The following PRDM2 variants were observed in gnomAD, a reference collection of about 807,000 sequenced individuals.
PRDM2 encodes PR/SET domain 2.
A neutral mutation model predicts 130.0 loss-of-function variants in PRDM2; 30 were observed. That is an observed-to-expected ratio of 0.23 (90% CI 0.17 to 0.31). The LOEUF (loss-of-function observed/expected upper bound fraction) is 0.31, where lower values mean the gene tolerates loss of function less well. Ranked by LOEUF, PRDM2 falls within the 10% of genes least tolerant of loss-of-function variation. The pLI is 1.00. For missense variants in PRDM2, 2,011 were observed against 2,108.4 expected, an observed-to-expected ratio of 0.95 and a Z score of 0.90; for synonymous variants, 871 against 782.4, an observed-to-expected ratio of 1.11 and a Z score of -1.89.
At chr1:13,787,893 G>A (rs1439544862) in intron 8 of PRDM2, 1 of 984,728 alleles carries the variant, frequency 1.0e-6, no homozygotes, top group African/African-American at 1.7e-5. Flanking sequence ...GAGAGAGAGA[G>A]AGGTTAATTA....
At position 13,770,637 on chromosome 1, in the gene PRDM2, A is replaced by C. The variant is rs181311185; in HGVS notation, c.512-2441A>C. On this transcript the variant is annotated intron_variant, in intron 6 of 9. Coordinates refer to ENST00000311066, the MANE Select transcript of PRDM2 (RefSeq NM_001393986.1). ...AGGTTTATGCAAGGAGTGAAGGTTT[A>C]GATTACACCTCTCCATTTTAATTTA... is the stretch of plus-strand genomic sequence containing the variant. Among the ~76,000 whole-genome samples, 28 of 152,288 alleles carry C rather than the reference A, an allele frequency of 1.8e-4. 1 individual carries two copies. The East Asian group carries it at 4.6e-3, about 25-fold the overall frequency.
chr1:13,731,012 C>A lies in PRDM2; in HGVS notation c.22C>A (p.Pro8Thr). 1 of 1,556,460 alleles carries A rather than the reference C, an allele frequency of 6.4e-7. No individual in the cohort carries two copies. The highest frequency in any genetic ancestry group is 1.8e-5 in the Admixed American group (1 of 54,266). MNQNTTE[P>T]VAATETLAEV... ...TCTTGACTTGCAGAACACTACTGAGCCTGTGGCGGCCACCGAGACCCTGGC... is the reference window on the plus strand; with the variant it reads ...TCTTGACTTGCAGAACACTACTGAGACTGTGGCGGCCACCGAGACCCTGGC... Residue 8 changes from proline to threonine, a missense_variant, in exon 3 of 10, where the codon CCT becomes ACT. Transcript: ENST00000311066.
At chr1:13,716,201 C>CA (rs573295566) in intron 2 of PRDM2, among the ~76,000 whole-genome samples, 128 of 149,612 alleles carry the variant, frequency 8.6e-4, no homozygotes, top group Non-Finnish European at 1.5e-3. Context: ...ATCGCAAGAA[C>CA]AAAAAACCAA....
At position 13,732,874 on chromosome 1, in the gene PRDM2, A is replaced by T. The variant is rs113167703; in HGVS notation, c.223A>T (p.Met75Leu). Residue 75 changes from methionine (M) to leucine (L), a missense_variant, in exon 4 of 10, where the codon ATG becomes TTG. Physicochemically the swap from Met to Leu is conservative, Grantham distance 15. This residue lies in a region of PRDM2 where 79 missense variants were observed against 93.6 expected (regional missense o/e 0.84). Coordinates refer to ENST00000311066, the MANE Select transcript of PRDM2 (RefSeq NM_001393986.1). The part of the protein sequence containing the change: ...KRSQVKNNVY[M>L]WEVYYPNLGW... ...ATCTCAGGTTAAGAATAATGTATAC[A>T]TGTGGGAGGTAAGAAGTAATTCTGA... 2 of 1,562,694 alleles carry T rather than the reference A, an allele frequency of 1.3e-6. No homozygotes were observed. Among genetic ancestry groups the T allele is most frequent in the Non-Finnish European group, 1.7e-6 (2 of 1,144,730 alleles).
intron 9 of PRDM2, among the ~76,000 whole-genome samples, chr1:13,821,871 G>T (rs1011721036): frequency 6.6e-6 from 1 of 152,112 alleles, no homozygotes; most frequent in Non-Finnish European, 1.5e-5. Context: ...ATCCCCTCCC[G>T]ACTGGAAGAG....
chr1:13,741,139 T>C (rs1300342785), intron 4 of PRDM2, among the ~76,000 whole-genome samples: 2 of 152,248 alleles, frequency 1.3e-5, no homozygotes, highest in Non-Finnish European at 2.9e-5. Flanking sequence ...TGTGTATATG[T>C]ATGCATGTAT....
At chr1:13,768,828 AGTGGCAGGGGCATCAGTTTTACAAT>A (rs1644293258) in intron 6 of PRDM2, among the ~76,000 whole-genome samples, 1 of 152,198 alleles carries the variant, frequency 6.6e-6, no homozygotes, top group South Asian at 2.1e-4. Flanking sequence ...TGATCCATTA[AGTGGCAGGGGCATCAGTTTTACAAT>A]AAGGGCGCAC....
intron 8 of PRDM2, among the ~76,000 whole-genome samples, chr1:13,793,318 T>C (rs1456014105): frequency 1.3e-5 from 2 of 152,250 alleles, no homozygotes; most frequent in Non-Finnish European, 2.9e-5. Context: ...GTGGTGGCGC[T>C]GGTGATGACA....
intron 5 of PRDM2, among the ~76,000 whole-genome samples, chr1:13,747,425 C>T (rs1228815085): frequency 1.3e-5 from 2 of 152,100 alleles, no homozygotes; most frequent in African/African-American, 4.8e-5. Flanking sequence ...CATCAGAATG[C>T]CAAAAGGCGT....
chr1:13,773,040 A>T, intron 6 of PRDM2, 38 bp from the exon 7 acceptor site: 1 of 1,220,154 alleles, frequency 8.2e-7, no homozygotes, highest in African/African-American at 1.6e-5. Context: ...TAAATAAAAA[A>T]AAAATGAATG....
intron 4 of PRDM2, among the ~76,000 whole-genome samples, chr1:13,741,720 T>TTG (rs200384633): frequency 0.1 from 11,518 of 112,360 alleles, 896 homozygotes; most frequent in African/African-American, 0.16. Context: ...CTCTTTAAGT[T>TTG]TGTGTGTGTG....
chr1:13,809,575 G>A (rs1041724627), intron 8 of PRDM2, among the ~76,000 whole-genome samples: 11 of 152,168 alleles, frequency 7.2e-5, no homozygotes, highest in African/African-American at 2.7e-4. Flanking sequence ...GGGCCTTCTA[G>A]ATGTCCAAGA....
At chr1:13,813,359 G>A (rs1378403635) in intron 8 of PRDM2, among the ~76,000 whole-genome samples, 1 of 152,160 alleles carries the variant, frequency 6.6e-6, no homozygotes, top group Non-Finnish European at 1.5e-5. Flanking sequence ...GGGGTTGGGG[G>A]CACTGTGCTC....
intron 1 of PRDM2, among the ~76,000 whole-genome samples, chr1:13,711,999 T>A (rs1427225075): frequency 6.6e-6 from 1 of 151,860 alleles, no homozygotes; most frequent in East Asian, 1.9e-4. Context: ...CTAACCTTTT[T>A]TTATTAAGAA....
At chr1:13,770,873 C>T (rs1180985521) in intron 6 of PRDM2, among the ~76,000 whole-genome samples, 1 of 152,200 alleles carries the variant, frequency 6.6e-6, no homozygotes, top group East Asian at 1.9e-4. Flanking sequence ...CGTGAATTTC[C>T]TCACACATCA....
chr1:13,728,961 T>G (rs1317186592), intron 2 of PRDM2, among the ~76,000 whole-genome samples: 1 of 152,124 alleles, frequency 6.6e-6, no homozygotes, highest in Admixed American at 6.5e-5. Flanking sequence ...GGTCAGAGGT[T>G]CTTAGATGAT....
In PRDM2 at chr1:13,779,974, C is replaced by T. The variant is rs749928018; in HGVS notation, c.2179C>T (p.Pro727Ser). The change falls in exon 8 of 10, where the codon CCT becomes TCT. Residue 727 changes from proline (P) to serine (S), a missense_variant. This residue lies in a region of PRDM2 where 1,288 missense variants were observed against 1,237.7 expected (regional missense o/e 1.04). Transcript: ENST00000311066. The surrounding 1 kb of genome is among the most constrained non-coding windows in gnomAD (Gnocchi z 4.9). ...VCVSAPASML[P>S]VTSSRFKRRT... is the part of the protein sequence containing the mutation. ...TGTGTCTGCTCCTGCATCAATGTTG[C>T]CTGTGACCTCAAGTAGGTTTAAGAG... 4 of 1,614,188 alleles carry T rather than the reference C, an allele frequency of 2.5e-6. No individual in the cohort carries two copies. The highest frequency in any genetic ancestry group is 3.4e-6 in the Non-Finnish European group (4 of 1,180,036).
chr1:13,789,468 G>T (rs1644803558), intron 8 of PRDM2, among the ~76,000 whole-genome samples: 1 of 152,236 alleles, frequency 6.6e-6, no homozygotes, highest in Non-Finnish European at 1.5e-5. Context: ...TTTCATAGTG[G>T]CTTTTTTCCC....
chr1:13,705,063 A>G (rs141396812), intron 1 of PRDM2: 2 of 152,312 alleles, frequency 1.3e-5, no homozygotes, highest in African/African-American at 4.8e-5. Context: ...GGAGGTAAAT[A>G]TATGAATGCA....
Sources: gnomAD v4.1 joint callset for allele counts (sites outside exome capture counted in the v4.1 genomes callset) on GRCh38, gnomAD v4.1.1 for gene constraint, gnomAD v4.1.1 regional missense constraint, Gnocchi (gnomAD v3.1) non-coding constraint, MANE v1.5 for transcripts, NCBI Gene and HGNC (gene_info 2026-07-23, HGNC 2026-07-21) for gene names.